The following ZNF816 variants were observed in gnomAD, a reference collection of about 807,000 sequenced individuals.
ZNF816 encodes zinc finger protein 816A.
In ZNF816, 11 loss-of-function variants were observed where a neutral mutation model predicts 8.3. The ratio of observed to expected loss-of-function variants is 1.32; its 90% CI spans 0.83 to 2.19. ZNF816 has a LOEUF of 2.19. Among genes scored for constraint, ZNF816 ranks in the 30% most tolerant of loss-of-function variants. The pLI, the probability that ZNF816 is intolerant of heterozygous loss-of-function variation, is 0.00. For missense variants in ZNF816, 710 were observed against 779.3 expected, an observed-to-expected ratio of 0.91 and a Z score of 1.06; for synonymous variants, 255 against 254.5, an observed-to-expected ratio of 1.00 and a Z score of -0.02.
Position 52,949,971 on chromosome 19 carries a change from A to G in ZNF816, c.1804T>C (p.Phe602Leu). Residue 602 changes from phenylalanine to leucine, a missense_variant, in exon 4 of 4, where the codon TTT (phenylalanine) becomes CTT (leucine). By Grantham distance (22) the Phe-to-Leu change is conservative. Coordinates refer to ENST00000444460, the MANE Select transcript of ZNF816 (RefSeq NM_001202457.3). Reference sequence around the variant, plus strand: ...TTTGCAAGGCTTGCTTTTTGATTAAAAACCTTGCCACATTCATTACACTTG... The same window carrying G: ...TTTGCAAGGCTTGCTTTTTGATTAAGAACCTTGCCACATTCATTACACTTG... ...PYKCNECGKV[F>L]NQKASLAKHQ... The G allele has an allele frequency of 6.2e-7, 1 of 1,614,006 alleles. No individual in the cohort carries two copies. The highest frequency in any genetic ancestry group is 1.1e-5 in the South Asian group (1 of 91,072).
chr19:52,960,934 G>A (rs557849721), intron 1 of ZNF816, among the ~76,000 whole-genome samples: 2 of 152,344 alleles, frequency 1.3e-5, no homozygotes, highest in Admixed American at 1.3e-4. Flanking sequence ...GGAAGCATGA[G>A]GAAGCTCATC....
intron 2 of ZNF816, chr19:52,953,535 ATATATAATACAATATTATATATAATATG>A (rs1190206710): frequency 0.065 from 3,901 of 60,270 alleles, 116 homozygotes; most frequent in African/African-American, 0.22. Flanking sequence ...ATAATATATA[ATATATAATACAATATTATATATAATATG>A]TATTTATAAA....
chr19:52,952,524 T>C (rs2083468194), intron 3 of ZNF816: 2 of 706,956 alleles, frequency 2.8e-6, no homozygotes, highest in Admixed American at 6.5e-5. Context: ...GATGTTCAAT[T>C]GTATTAGTCA....
chr19:52,961,477 C>CA (rs1310094141), intron 1 of ZNF816, among the ~76,000 whole-genome samples: 1 of 152,046 alleles, frequency 6.6e-6, no homozygotes, highest in African/African-American at 2.4e-5. Flanking sequence ...AGAAAAATGA[C>CA]AAAAAAGACC....
Position 52,955,564 on chromosome 19 carries a change from T to A in ZNF816, c.63+463A>T, listed in dbSNP as rs144642854. On this transcript the variant is annotated intron_variant, in intron 2 of 3. Coordinates refer to ENST00000444460, the MANE Select transcript of ZNF816 (RefSeq NM_001202457.3). Reference sequence around the variant, plus strand: ...CGTCAGAGACATATTGACTCACTAGTGTAGCTTCAAATGCATTACAAAATC... The same window carrying A: ...CGTCAGAGACATATTGACTCACTAGAGTAGCTTCAAATGCATTACAAAATC... Among the ~76,000 whole-genome samples the A allele has an allele frequency of 3.3e-5, 5 of 152,370 alleles. No homozygotes were observed. The East Asian group carries it at 9.6e-4, about 29-fold the overall frequency.
rs1210013401 is a variant in ZNF816 at position 52,952,024 on chromosome 19, G to A, written c.191-440C>T. 8 of 396,758 alleles carry A rather than the reference G, an allele frequency of 2.0e-5. No individual in the cohort carries two copies. In the Admixed American group the frequency reaches 3.0e-4, roughly 15 times the overall value. The allele number at this position is 396,758 out of a possible 1,614,324, so 24.6% of individuals were successfully genotyped here. A position where few individuals can be genotyped will look rare whatever the true frequency, so the allele number is the denominator to read the frequency against. On this transcript the variant is annotated intron_variant, in intron 3 of 3. Coordinates refer to ENST00000444460, the MANE Select transcript of ZNF816 (RefSeq NM_001202457.3). The stretch of plus-strand genomic sequence containing the variant: ...AGAGAAGATGACCATTCGTTTATGT[G>A]ATGAACACTGTCACAGTGCTAGTGA...
At chr19:52,952,944 A>C (rs2083472785) in intron 2 of ZNF816, 67 bp from the exon 3 acceptor site, 1 of 1,523,468 alleles carries the variant, frequency 6.6e-7, no homozygotes, top group South Asian at 1.3e-5. Context: ...ACGTGAAATG[A>C]GAAAACAGAA....
At chr19:52,955,362 T>G (rs191914623) in intron 2 of ZNF816, among the ~76,000 whole-genome samples, 55 of 152,298 alleles carry the variant, frequency 3.6e-4, no homozygotes, top group Non-Finnish European at 6.9e-4. Flanking sequence ...TTCTAAGACA[T>G]TGAAAGTGCA....
Position 52,958,288 on chromosome 19 carries a change from G to A in ZNF816, c.-15-2184C>T, listed in dbSNP as rs189205014. Among the ~76,000 whole-genome samples the A allele has an allele frequency of 4.2e-3, 637 of 152,294 alleles. 4 individuals are homozygous for A. Among genetic ancestry groups the A allele is most frequent in the Non-Finnish European group, 7.3e-3 (495 of 68,038 alleles). ...ATCCAACAGTACCTAACCCGTACAC[G>A]TTAAGGTTGCTGCCAGCTGAGGACA... On this transcript the variant is annotated intron_variant, in intron 1 of 3. Transcript: ENST00000444460.
At chr19:52,955,895 A>G in intron 2 of ZNF816, 132 bp downstream of exon 2, 1 of 1,215,576 alleles carries the variant, frequency 8.2e-7, no homozygotes. Context: ...AGAGGGACTG[A>G]GAAAAGACAC....
chr19:52,952,448 C>G (rs911964760), intron 3 of ZNF816: 7 of 461,136 alleles, frequency 1.5e-5, no homozygotes, highest in East Asian at 6.9e-5. Context: ...CTTTCTATCT[C>G]GTATCCTGGG....
chr19:52,960,653 T>C (rs893161337), intron 1 of ZNF816, among the ~76,000 whole-genome samples: 4 of 152,152 alleles, frequency 2.6e-5, no homozygotes, highest in Non-Finnish European at 5.9e-5. Context: ...GTTCACTCTT[T>C]CTCCCCGGGT....
At chr19:52,955,992 A>C (rs768527038) in intron 2 of ZNF816, 35 bp downstream of exon 2, 1 of 1,588,616 alleles carries the variant, frequency 6.3e-7, no homozygotes, top group Non-Finnish European at 8.5e-7. Flanking sequence ...CAGAAAGGAA[A>C]GAGACAGAAG....
chr19:52,956,177 C>G (rs1002887116), intron 1 of ZNF816, 73 bp from the exon 2 acceptor site: 6 of 1,496,326 alleles, frequency 4.0e-6, no homozygotes, highest in South Asian at 3.8e-5. Context: ...AACACACACA[C>G]AGGGGAAACC....
At position 52,951,078 on chromosome 19, in the gene ZNF816, C is replaced by T; in HGVS notation, c.697G>A (p.Glu233Lys). Residue 233 changes from glutamate to lysine, a missense_variant, in exon 4 of 4, where the codon GAG (glutamate) becomes AAG (lysine). Glu to Lys is a moderately conservative substitution (Grantham distance 56). Transcript: ENST00000444460. ...CTATAATTAAAGGCTTTGCCACACT[C>T]ATTACTTTGGCAAGGTTTTTCTCTC... ...CMREKPCQSN[E>K]CGKAFNYSSL... 1.2e-6 allele frequency: 2 copies of T among 1,613,990 alleles called. No individual in the cohort carries two copies. Among genetic ancestry groups the T allele is most frequent in the Non-Finnish European group, 1.7e-6 (2 of 1,179,982 alleles).
chr19:52,956,240 G>T, intron 1 of ZNF816, 136 bp from the exon 2 acceptor site: 1 of 984,646 alleles, frequency 1.0e-6, no homozygotes. Flanking sequence ...AGACCATGCA[G>T]AGATAAGAAA....
At position 52,955,515 on chromosome 19, in the gene ZNF816, G is replaced by C. The variant is rs541865591; in HGVS notation, c.63+512C>G. 8.5e-5 allele frequency among the ~76,000 whole-genome samples: 13 copies of C among 152,292 alleles called. No homozygotes were observed. The Middle Eastern group carries it at 0.014, about 159-fold the overall frequency. Reference sequence around the variant, plus strand: ...CCAGACTGGGCCCCAGAGTGACACCGTGTCTCTTAAAACAAAAGTTTGGCG... The same window carrying C: ...CCAGACTGGGCCCCAGAGTGACACCCTGTCTCTTAAAACAAAAGTTTGGCG... On this transcript the variant is annotated intron_variant, in intron 2 of 3. Transcript: ENST00000444460.
In ZNF816 at chr19:52,957,043, G is replaced by A. The variant is rs1194904132; in HGVS notation, c.-15-939C>T. ...GCTTGATCTATCATGACCCTTTCACGTGGATGCCTTAGAGCTGTAAGCCCT... is the reference window on the plus strand; with the variant it reads ...GCTTGATCTATCATGACCCTTTCACATGGATGCCTTAGAGCTGTAAGCCCT... On this transcript the variant is annotated intron_variant, in intron 1 of 3. Transcript: ENST00000444460. The surrounding 1 kb of genome is among the most constrained non-coding windows in gnomAD (Gnocchi z 4.6). Among the ~76,000 whole-genome samples, 1 of 152,134 alleles carries A rather than the reference G, an allele frequency of 6.6e-6. No individual in the cohort carries two copies. The highest frequency in any genetic ancestry group is 1.9e-4 in the East Asian group (1 of 5,194).
At chr19:52,953,606 T>C (rs896740764) in intron 2 of ZNF816, among the ~76,000 whole-genome samples, 1 of 134,528 alleles carries the variant, frequency 7.4e-6, no homozygotes, top group Admixed American at 8.2e-5. Flanking sequence ...ATATATAATA[T>C]GTATTTATAA....
Sources: gnomAD v4.1 joint callset for allele counts (sites outside exome capture counted in the v4.1 genomes callset) on GRCh38, gnomAD v4.1.1 for gene constraint, Gnocchi (gnomAD v3.1) non-coding constraint, MANE v1.5 for transcripts, NCBI Gene and HGNC (gene_info 2026-07-23, HGNC 2026-07-21) for gene names.